HSH2D: variants seen among roughly 807,000 people sequenced by gnomAD.
The protein encoded by HSH2D is hematopoietic SH2 domain containing.
A neutral mutation model predicts 21.5 loss-of-function variants in HSH2D; 16 were observed. That is an observed-to-expected ratio of 0.74 (90% CI 0.50 to 1.13). The LOEUF is 1.13. HSH2D is among the 50% of genes most tolerant of loss of function. HSH2D has a pLI of 0.00. For missense variants in HSH2D, 418 were observed against 441.4 expected, an observed-to-expected ratio of 0.95 and a Z score of 0.47; for synonymous variants, 172 against 184.7, an observed-to-expected ratio of 0.93 and a Z score of 0.56.
chr19:16,140,137 AGAAGT>A (rs886626456), upstream of HSH2D, among the ~76,000 whole-genome samples: 15 of 152,066 alleles, frequency 9.9e-5, no homozygotes, highest in African/African-American at 1.9e-4. Flanking sequence ...GGAGGATCAG[AGAAGT>A]GAAGTGAAGT....
At chr19:16,134,776 A>G (rs533200985) in intron 1 of HSH2D, among the ~76,000 whole-genome samples, 6 of 151,686 alleles carry the variant, frequency 4.0e-5, no homozygotes, top group African/African-American at 1.5e-4. Flanking sequence ...GTTTCAAACT[A>G]TTTTCAGAGT....
upstream of HSH2D, among the ~76,000 whole-genome samples, chr19:16,142,870 C>G (rs1302986369): frequency 6.6e-6 from 1 of 151,546 alleles, no homozygotes; most frequent in African/African-American, 2.4e-5. Flanking sequence ...CGTCCCTGGT[C>G]CAAGCGATTC....
chr19:16,134,916 C>A (rs1485384552), intron 1 of HSH2D, among the ~76,000 whole-genome samples: 9 of 148,304 alleles, frequency 6.1e-5, no homozygotes, highest in African/African-American at 2.2e-4. Flanking sequence ...GAGGCCAGTT[C>A]AAGTTAAAGA....
chr19:16,134,121 GA>G, exon 1 of HSH2D: 2 of 152,522 alleles, frequency 1.3e-5, no homozygotes, highest in Non-Finnish European at 2.9e-5. Flanking sequence ...TCAGCAAAGG[GA>G]AAAGGCATGC....
At chr19:16,139,352 T>C (rs1223937837), upstream of HSH2D, among the ~76,000 whole-genome samples, 1 of 152,110 alleles carries the variant, frequency 6.6e-6, no homozygotes, top group Non-Finnish European at 1.5e-5. Context: ...GGCTGGGGTG[T>C]GAGGATTGCT....
upstream of HSH2D, chr19:16,139,670 A>G (rs2145011906): frequency 6.6e-6 from 1 of 152,476 alleles, no homozygotes; most frequent in East Asian, 1.9e-4. Context: ...TCCCAGCACT[A>G]AGATGGCATT....
Position 16,158,422 on chromosome 19 carries a change from T to C in HSH2D, c.*628T>C, listed in dbSNP as rs2091265100. ...GGTGGCGCATGCCTGTAATCCCAGC[T>C]ACTTGGGAGCCTGAGGCGGGAGAAT... On this transcript the variant is annotated 3_prime_UTR_variant, in exon 6 of 6. Transcript: ENST00000613986. 1 of 150,540 alleles carries C rather than the reference T, an allele frequency of 6.6e-6. No individual in the cohort carries two copies. The highest frequency in any genetic ancestry group is 2.4e-5 in the African/African-American group (1 of 40,846). The allele number at this position is 150,540 out of a possible 1,614,324, so 9.3% of individuals were successfully genotyped here.
intron 2 of HSH2D, among the ~76,000 whole-genome samples, chr19:16,149,247 G>C (rs1319794242): frequency 6.6e-6 from 1 of 152,216 alleles, no homozygotes; most frequent in Non-Finnish European, 1.5e-5. Flanking sequence ...CTGTCACCCA[G>C]GCTGGAGTGC....
At chr19:16,136,195 A>G (rs992447621) in intron 1 of HSH2D, among the ~76,000 whole-genome samples, 1 of 152,198 alleles carries the variant, frequency 6.6e-6, no homozygotes. Context: ...ACTAAAACTC[A>G]AAAGTCACCC....
At chr19:16,135,417 A>G (rs555534994) in intron 1 of HSH2D, among the ~76,000 whole-genome samples, 1 of 151,772 alleles carries the variant, frequency 6.6e-6, no homozygotes, top group Non-Finnish European at 1.5e-5. Flanking sequence ...TGACAGAGCA[A>G]GACCCTTTCT....
At chr19:16,155,619 CTT>C (rs35262744) in intron 5 of HSH2D, 1,979 of 114,130 alleles carry the variant, frequency 0.017, 32 homozygotes, top group African/African-American at 0.044. Context: ...CATGGGAGGA[CTT>C]TTTTTTTTTT....
intron 1 of HSH2D, among the ~76,000 whole-genome samples, chr19:16,134,537 C>T (rs2090947092): frequency 6.6e-6 from 1 of 152,192 alleles, no homozygotes; most frequent in Admixed American, 6.5e-5. Context: ...TTTAGATAGG[C>T]CAGTGGCTTT....
At chr19:16,154,578 C>A in intron 5 of HSH2D, 87 bp downstream of exon 5, 1 of 747,362 alleles carries the variant, frequency 1.3e-6, no homozygotes, top group Non-Finnish European at 2.2e-6. Flanking sequence ...GAGGCTCCTT[C>A]TAGAATGAGA....
At chr19:16,153,907 G>T (rs2091201057) in intron 4 of HSH2D, among the ~76,000 whole-genome samples, 1 of 150,598 alleles carries the variant, frequency 6.6e-6, no homozygotes, top group Non-Finnish European at 1.5e-5. Flanking sequence ...CTCAGTGGGT[G>T]TTGCCTAGTC....
At chr19:16,142,794 A>T (rs2145018363), upstream of HSH2D, among the ~76,000 whole-genome samples, 1 of 144,246 alleles carries the variant, frequency 6.9e-6, no homozygotes, top group Non-Finnish European at 1.5e-5. Context: ...TTTGCGGGGG[A>T]CAGAATTTCC....
rs1010305987 is a variant in HSH2D at position 16,137,711 on chromosome 19, A to G, written c.-324+3476A>G. ...ATCCTCCTGCCTTAGCCTCCCAAGT[A>G]GCTGGTACTACAGGTGCATACCACC... is the stretch of plus-strand genomic sequence containing the variant. On this transcript the variant is annotated intron_variant, in intron 1 of 7. Transcript: ENST00000616645. Among the ~76,000 whole-genome samples, 4 of 152,082 alleles carry G rather than the reference A, an allele frequency of 2.6e-5. No individual in the cohort carries two copies. The South Asian group carries it at 6.2e-4, about 24-fold the overall frequency.
chr19:16,147,756 G>C (rs1397920475), intron 1 of HSH2D, among the ~76,000 whole-genome samples: 2 of 147,760 alleles, frequency 1.4e-5, no homozygotes, highest in East Asian at 4.3e-4. Flanking sequence ...AGTGATTCTC[G>C]TGCCTCAGCC....
chr19:16,145,706 A>G (rs983549041), intron 1 of HSH2D, among the ~76,000 whole-genome samples: 2 of 152,154 alleles, frequency 1.3e-5, no homozygotes, highest in African/African-American at 4.8e-5. Context: ...CAGCCCAGTA[A>G]AAAGATCTTT....
Position 16,157,056 on chromosome 19 carries a change from G to A in HSH2D, c.475-154G>A, listed in dbSNP as rs548336189. 9.2e-5 allele frequency among the ~76,000 whole-genome samples: 14 copies of A among 152,016 alleles called. No homozygotes were observed. Among genetic ancestry groups the A allele is most frequent in the Non-Finnish European group, 1.8e-4 (12 of 68,002 alleles). ...AGACAGTGAAGCCATTTACTGAGAC[G>A]AGAAAGATGGGGCATGGGATCAGGT... On this transcript the variant is annotated intron_variant, in intron 5 of 5. Coordinates refer to ENST00000613986, the MANE Select transcript of HSH2D (RefSeq NM_001382417.1). The surrounding 1 kb of genome is among the most constrained non-coding windows in gnomAD (Gnocchi z 4.4).
Sources: allele counts gnomAD v4.1 joint callset (sites outside exome capture counted in the v4.1 genomes callset), GRCh38; gene constraint gnomAD v4.1.1; non-coding constraint Gnocchi (gnomAD v3.1); transcripts MANE v1.5; gene names NCBI Gene and HGNC (gene_info 2026-07-23, HGNC 2026-07-21).